The following ERGIC1 variants were observed in gnomAD, a reference collection of about 807,000 sequenced individuals.
The protein encoded by ERGIC1 is endoplasmic reticulum-Golgi intermediate compartment protein 1.
In ERGIC1, 19 loss-of-function variants were observed where a neutral mutation model predicts 38.3. The ratio of observed to expected loss-of-function variants is 0.50; its 90% CI spans 0.35 to 0.73. The LOEUF (loss-of-function observed/expected upper bound fraction) is 0.73. ERGIC1 is among the 30% of genes least tolerant of loss of function. The pLI is 0.01. For synonymous variants in ERGIC1, 124 were observed against 157.6 expected (o/e 0.79, Z 1.60); for missense variants, 294 against 389.2 (o/e 0.76, Z 2.06).
rs1204369297 is a variant in ERGIC1 at position 172,932,457 on chromosome 5, T to C, written c.563T>C (p.Ile188Thr). Residue 188 changes from isoleucine to threonine, a missense_variant, in exon 8 of 10, where the codon ATC (isoleucine) becomes ACC (threonine). This residue lies in a region of ERGIC1 where 109 missense variants were observed against 112.7 expected (regional missense o/e 0.97). Transcript: ENST00000393784. ...TSNPLASHDY[I>T]LKIVPTVYED... The stretch of plus-strand genomic sequence containing the variant: ...GCAGCCCTGGCCTCCCACGACTACA[T>C]CCTGAAGATTGTGCCCACGGTTTAT... 1.2e-6 allele frequency: 2 copies of C among 1,614,034 alleles called. No individual in the cohort carries two copies. Among genetic ancestry groups the C allele is most frequent in the Non-Finnish European group, 1.7e-6 (2 of 1,180,038 alleles).
chr5:172,874,904 AAG>A (rs1355710625), intron 1 of ERGIC1, among the ~76,000 whole-genome samples: 2 of 150,708 alleles, frequency 1.3e-5, no homozygotes, highest in South Asian at 4.2e-4. Context: ...CAGCCTGGGC[AAG>A]AGTGAGACCC....
intron 1 of ERGIC1, among the ~76,000 whole-genome samples, chr5:172,843,870 G>T (rs564270006): frequency 6.6e-6 from 1 of 152,338 alleles, no homozygotes; most frequent in Non-Finnish European, 1.5e-5. Flanking sequence ...GCAAATTGGG[G>T]TGCTCATACT....
At chr5:172,897,443 A>AAAGAGAG (rs780361647) in intron 3 of ERGIC1, among the ~76,000 whole-genome samples, 6 of 142,412 alleles carry the variant, frequency 4.2e-5, no homozygotes, top group African/African-American at 1.6e-4. Context: ...AAAAAAAAAA[A>AAAGAGAG]AGAGAGAGAG....
chr5:172,927,943 C>T (rs760524014), intron 7 of ERGIC1, among the ~76,000 whole-genome samples: 23 of 152,282 alleles, frequency 1.5e-4, no homozygotes, highest in East Asian at 5.8e-4. Context: ...CTCTGTTACC[C>T]GATTGCTTTC....
chr5:172,924,752 C>A (rs1168082150), intron 6 of ERGIC1, among the ~76,000 whole-genome samples: 1 of 152,186 alleles, frequency 6.6e-6, no homozygotes, highest in Non-Finnish European at 1.5e-5. Flanking sequence ...GGGTGGAAAT[C>A]TGATTTTTTT....
Position 172,859,175 on chromosome 5 carries a change from G to T in ERGIC1, c.20+24742G>T, listed in dbSNP as rs554771787. On this transcript the variant is annotated intron_variant, in intron 1 of 9. Coordinates refer to ENST00000393784, the MANE Select transcript of ERGIC1 (RefSeq NM_001031711.3). Reference sequence around the variant, plus strand: ...TCCCTGTGCATGCCAGTCCCCTTACGTGCACATTTTTCCTCTATGATTTTT... The same window carrying T: ...TCCCTGTGCATGCCAGTCCCCTTACTTGCACATTTTTCCTCTATGATTTTT... Among the ~76,000 whole-genome samples, 3 of 152,170 alleles carry T rather than the reference G, an allele frequency of 2.0e-5. No individual in the cohort carries two copies. The East Asian group carries it at 5.8e-4, about 29-fold the overall frequency.
intron 2 of ERGIC1, among the ~76,000 whole-genome samples, chr5:172,891,264 G>A: frequency 6.6e-6 from 1 of 152,134 alleles, no homozygotes; most frequent in African/African-American, 2.4e-5. Flanking sequence ...AGAGGAAAGA[G>A]CCTTGGTAGT....
chr5:172,853,533 C>T (rs867844655), intron 1 of ERGIC1, among the ~76,000 whole-genome samples: 2 of 152,074 alleles, frequency 1.3e-5, no homozygotes, highest in East Asian at 3.9e-4. Context: ...ATGAGAAACT[C>T]GAGGCTTACA....
chr5:172,938,361 C>T (rs922582237), intron 9 of ERGIC1, among the ~76,000 whole-genome samples: 8 of 152,246 alleles, frequency 5.3e-5, no homozygotes, highest in Non-Finnish European at 2.9e-5. Flanking sequence ...GAGAAACCCC[C>T]TCCAGCCATG....
chr5:172,944,247 TTG>T (rs1764070884), intron 9 of ERGIC1, among the ~76,000 whole-genome samples: 1 of 152,176 alleles, frequency 6.6e-6, no homozygotes, highest in Non-Finnish European at 1.5e-5. Context: ...CCACCCTAGG[TTG>T]TCTCTGAGCC....
chr5:172,847,809 G>A (rs12654097), intron 1 of ERGIC1, among the ~76,000 whole-genome samples: 24,953 of 152,130 alleles, frequency 0.16, 2,218 homozygotes, highest in East Asian at 0.34. Context: ...CACCACGCCC[G>A]GCCACATGTG....
At chr5:172,848,253 C>CTCAT (rs1438885147) in intron 1 of ERGIC1, among the ~76,000 whole-genome samples, 1 of 152,182 alleles carries the variant, frequency 6.6e-6, no homozygotes, top group Non-Finnish European at 1.5e-5. Flanking sequence ...TTTCCACCTT[C>CTCAT]ATGATGGTTC....
Position 172,846,183 on chromosome 5 carries a change from G to A in ERGIC1, c.20+11750G>A, listed in dbSNP as rs112723032. Among the ~76,000 whole-genome samples the A allele has an allele frequency of 3.2e-3, 485 of 152,224 alleles. 2 individuals carry two copies. Among genetic ancestry groups the A allele is most frequent in the African/African-American group, 0.011 (465 of 41,530 alleles). ...GGTTAAGTCCTCATTTGGGTTGGTGGTCTTTCTCCCCCTCCCCCAATCCCC... is the reference window on the plus strand; with the variant it reads ...GGTTAAGTCCTCATTTGGGTTGGTGATCTTTCTCCCCCTCCCCCAATCCCC... On this transcript the variant is annotated intron_variant, in intron 1 of 9. Transcript: ENST00000393784. This position sits in a 1 kb window ranked among gnomAD's most constrained non-coding sequence, Gnocchi z 4.0.
chr5:172,865,943 C>T lies in ERGIC1; in HGVS notation c.21-22756C>T, dbSNP rs141404173. Among the ~76,000 whole-genome samples the T allele has an allele frequency of 2.0e-5, 3 of 152,304 alleles. No homozygotes were observed. The East Asian group carries it at 5.8e-4, about 29-fold the overall frequency. ...TTAAGCCCCTATATTCCTCTTCTGTCTGCACTTTCCATTTTGACCCATCTC... is the reference window on the plus strand; with the variant it reads ...TTAAGCCCCTATATTCCTCTTCTGTTTGCACTTTCCATTTTGACCCATCTC... On this transcript the variant is annotated intron_variant, in intron 1 of 9. Coordinates refer to ENST00000393784, the MANE Select transcript of ERGIC1 (RefSeq NM_001031711.3).
intron 1 of ERGIC1, among the ~76,000 whole-genome samples, chr5:172,869,003 A>G (rs1210234324): frequency 6.6e-6 from 1 of 152,216 alleles, no homozygotes; most frequent in East Asian, 1.9e-4. Context: ...GGGCTGGCTT[A>G]GCTGTGGGAT....
At chr5:172,923,857 C>G in intron 5 of ERGIC1, 148 bp from the exon 6 acceptor site, 1 of 715,250 alleles carries the variant, frequency 1.4e-6, no homozygotes, top group East Asian at 2.7e-5. Flanking sequence ...GGGGTGACTC[C>G]TTTGCACAGT....
intron 3 of ERGIC1, among the ~76,000 whole-genome samples, chr5:172,903,266 T>A (rs1762931642): frequency 6.6e-6 from 1 of 152,106 alleles, no homozygotes; most frequent in Non-Finnish European, 1.5e-5. Context: ...GAGAGGCTTG[T>A]GGGACAGACG....
Position 172,834,542 on chromosome 5 carries a change from T to G in ERGIC1, c.20+109T>G. 2 of 1,080,958 alleles carry G rather than the reference T, an allele frequency of 1.9e-6. No individual in the cohort carries two copies. The highest frequency in any genetic ancestry group is 3.5e-5 in the East Asian group (1 of 28,188). 67.0% of individuals were successfully genotyped at this position (1,080,958 alleles called of 1,614,324 possible). A position where few individuals can be genotyped will look rare whatever the true frequency, so the allele number is the denominator to read the frequency against. On this transcript the variant is annotated intron_variant, in intron 1 of 9. Transcript: ENST00000393784. This position sits in a 1 kb window ranked among gnomAD's most constrained non-coding sequence, Gnocchi z 4.1. ...TGCATGCAAAAGCGGCTCCCCGCCCTGTGCATGCCTCCGCAGGCCCCTAGG... is the reference window on the plus strand; with the variant it reads ...TGCATGCAAAAGCGGCTCCCCGCCCGGTGCATGCCTCCGCAGGCCCCTAGG...
intron 1 of ERGIC1, among the ~76,000 whole-genome samples, chr5:172,850,469 C>A (rs915367006): frequency 6.6e-6 from 1 of 152,158 alleles, no homozygotes; most frequent in Non-Finnish European, 1.5e-5. Flanking sequence ...AGACCTGGGA[C>A]AGCTGGGCTG....
Sources: gnomAD v4.1 joint callset for allele counts (sites outside exome capture counted in the v4.1 genomes callset) on GRCh38, gnomAD v4.1.1 for gene constraint, gnomAD v4.1.1 regional missense constraint, Gnocchi (gnomAD v3.1) non-coding constraint, MANE v1.5 for transcripts, NCBI Gene and HGNC (gene_info 2026-07-23, HGNC 2026-07-21) for gene names.